Variants in KIF26B observed in about 807,000 individuals in gnomAD.
KIF26B encodes the protein kinesin-like protein KIF26B.
In KIF26B, 63 loss-of-function variants were observed where a neutral mutation model predicts 151.2. That is an observed-to-expected ratio of 0.42 (90% confidence interval 0.34 to 0.51). The LOEUF is 0.51. Ranked by LOEUF, KIF26B falls within the 20% of genes least tolerant of loss-of-function variation. The probability of loss-of-function intolerance (pLI) is 0.07; values close to 1 mark genes in which losing one functional copy is unlikely to be tolerated. For missense variants in KIF26B, 2,813 were observed against 2,913.6 expected (o/e 0.97, Z 0.79); for synonymous variants, 1,357 against 1,262.1 (o/e 1.08, Z -1.59).
intron 2 of KIF26B, among the ~76,000 whole-genome samples, chr1:245,228,267 C>G (rs1284840557): frequency 3.9e-5 from 6 of 152,166 alleles, no homozygotes; most frequent in Non-Finnish European, 8.8e-5. Flanking sequence ...CTAGCACCAC[C>G]TTTGTATCTA....
At chr1:245,365,513 T>TCCCCCCCCCCCCCCC (rs528122828) in intron 2 of KIF26B, among the ~76,000 whole-genome samples, 1 of 137,242 alleles carries the variant, frequency 7.3e-6, no homozygotes, top group African/African-American at 3.1e-5. Flanking sequence ...GCCTCACAAC[T>TCCCCCCCCCCCCCCC]CCCCCCCACC....
chr1:245,502,762 G>A (rs1467611662), intron 4 of KIF26B, among the ~76,000 whole-genome samples: 1 of 152,082 alleles, frequency 6.6e-6, no homozygotes, highest in East Asian at 1.9e-4. Flanking sequence ...AAAATGGTAG[G>A]AGGGTTAAAG....
intron 2 of KIF26B, among the ~76,000 whole-genome samples, chr1:245,159,388 T>C (rs932539920): frequency 1.3e-5 from 2 of 152,232 alleles, no homozygotes; most frequent in African/African-American, 4.8e-5. Context: ...ACTGATTTAC[T>C]TTGTGACATT....
chr1:245,674,303 A>T (rs776225021), intron 10 of KIF26B, among the ~76,000 whole-genome samples: 1 of 152,206 alleles, frequency 6.6e-6, no homozygotes, highest in Admixed American at 6.5e-5. Flanking sequence ...AAAAAAATTT[A>T]AAAGGAAGTG....
chr1:245,168,217 T>C (rs1289383403), intron 2 of KIF26B, among the ~76,000 whole-genome samples: 1 of 152,226 alleles, frequency 6.6e-6, no homozygotes, highest in Non-Finnish European at 1.5e-5. Context: ...GGTTTCTGGC[T>C]GAAGCTGTTC....
intron 4 of KIF26B, among the ~76,000 whole-genome samples, chr1:245,529,818 C>G (rs1661321048): frequency 6.6e-6 from 1 of 152,082 alleles, no homozygotes; most frequent in African/African-American, 2.4e-5. Flanking sequence ...CAAAAACGGA[C>G]AAATGGGATC....
chr1:245,552,471 G>A lies in KIF26B; in HGVS notation c.1350+11521G>A, dbSNP rs147719543. 8.4e-3 allele frequency among the ~76,000 whole-genome samples: 1,279 copies of A among 152,068 alleles called. 9 individuals carry two copies. The highest frequency in any genetic ancestry group is 0.021 in the Middle Eastern group (6 of 292). On this transcript the variant is annotated intron_variant, in intron 5 of 14. Coordinates refer to ENST00000407071, the MANE Select transcript of KIF26B (RefSeq NM_018012.4). ...AAATATGACCAAATATCTGAATACC[G>A]GGGCCCAGCCAAATTGACACATTAC... is the stretch of plus-strand genomic sequence containing the variant.
At chr1:245,680,795 G>A (rs1463730615) in intron 10 of KIF26B, among the ~76,000 whole-genome samples, 1 of 152,190 alleles carries the variant, frequency 6.6e-6, no homozygotes, top group African/African-American at 2.4e-5. Flanking sequence ...CGGGCAGAGG[G>A]GTGAAGATAC....
intron 12 of KIF26B, among the ~76,000 whole-genome samples, chr1:245,689,319 C>G (rs1199350395): frequency 6.6e-6 from 1 of 152,184 alleles, no homozygotes; most frequent in Non-Finnish European, 1.5e-5. Context: ...GACCTGGTGG[C>G]TTCAGAAGCC....
chr1:245,684,517 G>A (rs1028924047), intron 11 of KIF26B, 122 bp downstream of exon 11: 16 of 1,075,764 alleles, frequency 1.5e-5, no homozygotes, highest in South Asian at 1.3e-4. Context: ...GATGTGACTT[G>A]GAGCTGACAA....
chr1:245,233,217 A>G (rs191710635), intron 2 of KIF26B, among the ~76,000 whole-genome samples: 5 of 152,364 alleles, frequency 3.3e-5, no homozygotes, highest in African/African-American at 9.6e-5. Context: ...AGGGCCCAGA[A>G]GGAAGTGAAT....
intron 5 of KIF26B, among the ~76,000 whole-genome samples, chr1:245,577,418 C>T (rs2043129417): frequency 1.3e-5 from 2 of 152,362 alleles, no homozygotes; most frequent in South Asian, 4.1e-4. Context: ...ATTAAGCTCT[C>T]AACCCACACA....
chr1:245,379,060 C>T (rs939148472), intron 3 of KIF26B, among the ~76,000 whole-genome samples: 6 of 152,160 alleles, frequency 3.9e-5, no homozygotes, highest in African/African-American at 1.4e-4. Flanking sequence ...CCCTCTTTTC[C>T]ATTGTAAGAG....
chr1:245,640,148 T>TATATATATATATATATAC (rs1274131414), intron 9 of KIF26B, among the ~76,000 whole-genome samples: 8 of 85,420 alleles, frequency 9.4e-5, no homozygotes, highest in Admixed American at 3.6e-4. Context: ...TCTCTCTATA[T>TATATATATATATATATAC]ATATATATAT....
intron 5 of KIF26B, among the ~76,000 whole-genome samples, chr1:245,547,404 G>A (rs1245578316): frequency 2.0e-5 from 3 of 151,910 alleles, no homozygotes; most frequent in Non-Finnish European, 2.9e-5. Context: ...GGCCAAGATG[G>A]TGAAAACCCT....
intron 4 of KIF26B, among the ~76,000 whole-genome samples, chr1:245,534,469 G>T (rs1045889705): frequency 1.5e-4 from 23 of 151,760 alleles, no homozygotes; most frequent in Non-Finnish European, 2.8e-4. Flanking sequence ...CCCACTTTTT[G>T]TTTTTTTATA....
chr1:245,405,390 C>A (rs1170154899), intron 3 of KIF26B, among the ~76,000 whole-genome samples: 1 of 152,186 alleles, frequency 6.6e-6, no homozygotes, highest in Non-Finnish European at 1.5e-5. Context: ...GATTCTTAAG[C>A]CATTTTTATT....
intron 5 of KIF26B, among the ~76,000 whole-genome samples, chr1:245,584,235 A>G (rs914282033): frequency 3.3e-5 from 5 of 151,922 alleles, no homozygotes; most frequent in Admixed American, 1.3e-4. Context: ...TCACCTTCCA[A>G]CTTGAGTCAG....
chr1:245,433,063 T>A (rs1430276264), intron 4 of KIF26B, among the ~76,000 whole-genome samples: 1 of 152,218 alleles, frequency 6.6e-6, no homozygotes, highest in African/African-American at 2.4e-5. Flanking sequence ...CCACCATACT[T>A]AGCATCATGC....
Sources: gnomAD v4.1 joint callset for allele counts (sites outside exome capture counted in the v4.1 genomes callset) on GRCh38, gnomAD v4.1.1 for gene constraint, MANE v1.5 for transcripts, NCBI Gene and HGNC (gene_info 2026-07-23, HGNC 2026-07-21) for gene names.